CCDC191: variants seen among roughly 807,000 people sequenced by gnomAD.
The protein encoded by CCDC191 is coiled-coil domain-containing protein 191.
Under a neutral mutation model 114.0 loss-of-function variants are expected in CCDC191, and 99 were observed. That is an observed-to-expected ratio of 0.87 (90% CI 0.74 to 1.03). CCDC191 has a LOEUF of 1.03. CCDC191 is among the 50% of genes least tolerant of loss of function. CCDC191 has a pLI of 0.00. For synonymous variants in CCDC191, 351 were observed against 376.0 expected, an observed-to-expected ratio of 0.93 and a Z score of 0.77; for missense variants, 973 against 1,087.0, an observed-to-expected ratio of 0.90 and a Z score of 1.47.
chr3:114,030,981 C>A (rs1293848994), intron 7 of CCDC191, among the ~76,000 whole-genome samples: 1 of 152,108 alleles, frequency 6.6e-6, no homozygotes, highest in Non-Finnish European at 1.5e-5. Flanking sequence ...AGTCCTTTTA[C>A]CTGAAATGTT....
intron 2 of CCDC191, among the ~76,000 whole-genome samples, chr3:114,048,071 A>G (rs1182703728): frequency 6.6e-6 from 1 of 152,114 alleles, no homozygotes; most frequent in Non-Finnish European, 1.5e-5. Context: ...GTTTCTTCCA[A>G]CTCAGATAGT....
chr3:114,053,419 A>C (rs1010639913), intron 2 of CCDC191, among the ~76,000 whole-genome samples, 178 bp downstream of exon 2: 4 of 152,192 alleles, frequency 2.6e-5, no homozygotes, highest in Admixed American at 2.6e-4. Context: ...GTATCATGAG[A>C]GGCAACAGAA....
At chr3:114,052,958 A>G (rs1436348972) in intron 2 of CCDC191, among the ~76,000 whole-genome samples, 3 of 152,216 alleles carry the variant, frequency 2.0e-5, no homozygotes, top group African/African-American at 7.2e-5. Context: ...AGAAGCACAC[A>G]CCTGAAATGA....
chr3:113,999,832 A>G (rs755805075), intron 13 of CCDC191, among the ~76,000 whole-genome samples: 1 of 152,172 alleles, frequency 6.6e-6, no homozygotes, highest in Non-Finnish European at 1.5e-5. Flanking sequence ...TACTAATATT[A>G]TATCATTTAT....
At position 114,005,946 on chromosome 3, in the gene CCDC191, G is replaced by A; in HGVS notation, c.1430C>T (p.Pro477Leu). 1 of 1,613,944 alleles carries A rather than the reference G, an allele frequency of 6.2e-7. No homozygotes were observed. ...TCCCAAGGGAGGCTTTTCCCACAAA[G>A]GGGGCACAGCAGTCTCCTGAGAGAG... Reference protein sequence around the residue: ...VKNGQETAVPPLWEKPPLGSS... With the variant: ...VKNGQETAVPLLWEKPPLGSS... Residue 477 changes from proline (P) to leucine (L), a missense_variant, in exon 10 of 17, where the codon CCT becomes CTT. Physicochemically the swap from Pro to Leu is moderately conservative, Grantham distance 98. Coordinates refer to ENST00000295878, the MANE Select transcript of CCDC191 (RefSeq NM_020817.2).
chr3:113,986,119 A>T (rs1331554900), intron 13 of CCDC191, among the ~76,000 whole-genome samples: 2 of 152,222 alleles, frequency 1.3e-5, no homozygotes, highest in African/African-American at 2.4e-5. Flanking sequence ...TTTAGCAGAG[A>T]CATGGAAACT....
intron 13 of CCDC191, among the ~76,000 whole-genome samples, chr3:114,000,390 G>C (rs763165278): frequency 6.6e-6 from 1 of 152,154 alleles, no homozygotes; most frequent in Non-Finnish European, 1.5e-5. Context: ...TGAGCCTTCA[G>C]ACTTGAACTG....
intron 16 of CCDC191, among the ~76,000 whole-genome samples, chr3:113,970,741 C>T (rs1292930900): frequency 1.3e-5 from 2 of 152,044 alleles, no homozygotes; most frequent in Non-Finnish European, 2.9e-5. Flanking sequence ...CAGCAGACCC[C>T]GGTGTGTGAT....
intron 9 of CCDC191, among the ~76,000 whole-genome samples, chr3:114,006,647 T>G (rs2107671210): frequency 6.9e-6 from 1 of 144,728 alleles, no homozygotes; most frequent in African/African-American, 2.6e-5. Context: ...ATAAAAAACA[T>G]GAATTTAATA....
chr3:113,993,723 A>G (rs2075641030), intron 13 of CCDC191, among the ~76,000 whole-genome samples: 1 of 152,046 alleles, frequency 6.6e-6, no homozygotes, highest in African/African-American at 2.4e-5. Flanking sequence ...CGTCTCTACT[A>G]AAAATACAAA....
intron 4 of CCDC191, among the ~76,000 whole-genome samples, chr3:114,042,416 T>A (rs2076575408): frequency 6.6e-6 from 1 of 152,190 alleles, no homozygotes; most frequent in South Asian, 2.1e-4. Context: ...GACTAGAACA[T>A]CTGAGGAGTT....
Position 114,033,345 on chromosome 3 carries a change from C to T in CCDC191, c.819-1566G>A, listed in dbSNP as rs141336634. Among the ~76,000 whole-genome samples the T allele has an allele frequency of 4.6e-3, 703 of 152,190 alleles. 7 individuals carry two copies. The highest frequency in any genetic ancestry group is 0.016 in the African/African-American group (664 of 41,506). On this transcript the variant is annotated intron_variant, in intron 6 of 16. Transcript: ENST00000295878. ...GACTTAGCAATTTCTCCAATATTTA[C>T]GAAAGTCTGTTATTATAAATAATGT... is the stretch of plus-strand genomic sequence containing the variant.
chr3:114,017,102 C>CTT (rs374809107), intron 8 of CCDC191, among the ~76,000 whole-genome samples: 62 of 136,488 alleles, frequency 4.5e-4, no homozygotes, highest in Middle Eastern at 3.9e-3. Flanking sequence ...CAAGGATTCA[C>CTT]TTTTTTTTTT....
At chr3:113,988,234 G>A (rs758053031) in intron 13 of CCDC191, among the ~76,000 whole-genome samples, 6 of 151,830 alleles carry the variant, frequency 4.0e-5, no homozygotes, top group Admixed American at 1.3e-4. Context: ...AGTGGCTCAC[G>A]CCTGTAATCC....
chr3:114,043,563 C>T (rs887295307), intron 3 of CCDC191, among the ~76,000 whole-genome samples: 3 of 152,164 alleles, frequency 2.0e-5, no homozygotes, highest in African/African-American at 7.2e-5. Context: ...AGTCCTGAGG[C>T]TGAAATTCCC....
intron 16 of CCDC191, among the ~76,000 whole-genome samples, chr3:113,970,039 A>G (rs1940639063): frequency 6.6e-6 from 1 of 152,104 alleles, no homozygotes; most frequent in African/African-American, 2.4e-5. Flanking sequence ...AGTGTTTTAT[A>G]GTTCTCAGTA....
rs181589478 is a variant in CCDC191, at chr3:114,049,123, T to C, written c.130-2391A>G. Among the ~76,000 whole-genome samples, 726 of 152,312 alleles carry C rather than the reference T, an allele frequency of 4.8e-3. 8 individuals are homozygous for C. Among genetic ancestry groups the C allele is most frequent in the African/African-American group, 0.017 (687 of 41,566 alleles). On this transcript the variant is annotated intron_variant, in intron 2 of 16. Transcript: ENST00000295878. ...AAAGTGAAGGGTAATTTGAAAAAGA[T>C]GTAGAAAACAGAACATACAGGCAAA...
At chr3:114,009,818 G>A (rs2076037445) in intron 9 of CCDC191, among the ~76,000 whole-genome samples, 1 of 152,232 alleles carries the variant, frequency 6.6e-6, no homozygotes, top group East Asian at 1.9e-4. Context: ...GTTCACAATG[G>A]CGGCAAACTG....
At position 113,964,415 on chromosome 3, in the gene CCDC191, T is replaced by A. The variant is rs1939905865; in HGVS notation, c.*740A>T. The A allele has an allele frequency of 6.6e-6, 1 of 152,198 alleles. No homozygotes were observed. Among genetic ancestry groups the A allele is most frequent in the Non-Finnish European group, 1.5e-5 (1 of 68,038 alleles). 9.4% of individuals were successfully genotyped at this position (152,198 alleles called of 1,614,324 possible). On this transcript the variant is annotated 3_prime_UTR_variant, in exon 17 of 17. Transcript: ENST00000295878. ...TGAATTCAAGATAGGTATCTCAATA[T>A]CTAGATCAAACTGAGCTGAGTACTA...
Sources: gnomAD v4.1 joint callset for allele counts (sites outside exome capture counted in the v4.1 genomes callset) on GRCh38, gnomAD v4.1.1 for gene constraint, MANE v1.5 for transcripts, NCBI Gene and HGNC (gene_info 2026-07-23, HGNC 2026-07-21) for gene names.